DMD: variants seen among roughly 807,000 people sequenced by gnomAD.
DMD encodes mutant dystrophin.
DMD carries 63 observed loss-of-function variants against 330.1 expected under a neutral mutation model. The ratio of observed to expected loss-of-function variants is 0.19; its 90% CI spans 0.16 to 0.24. The LOEUF is 0.24. DMD is among the 10% of genes least tolerant of loss of function. The pLI is 1.00. For missense variants in DMD, 3,344 were observed against 2,684.1 expected (o/e 1.25, Z -5.43); for synonymous variants, 1,223 against 959.8 (o/e 1.27, Z -5.07).
chrX:33,001,526 G>C (rs919886971), intron 2 of DMD, among the ~76,000 whole-genome samples: 11 of 109,505 alleles, frequency 1.0e-4, no homozygotes, highest in African/African-American at 3.7e-4. Context: ...TATTATTCAA[G>C]GACTTTAGAC....
chrX:32,628,823 G>C (rs752115402), intron 11 of DMD, among the ~76,000 whole-genome samples: 2 of 111,399 alleles, frequency 1.8e-5, no homozygotes, highest in Non-Finnish European at 3.8e-5. Context: ...TGTCTCTATA[G>C]TTTCCAAAAT....
chrX:32,515,382 T>C (rs949883241), intron 18 of DMD, among the ~76,000 whole-genome samples: 6 of 109,405 alleles, frequency 5.5e-5, no homozygotes, highest in Non-Finnish European at 1.1e-4. Context: ...CCAGCGGGAG[T>C]TGGTAAAAAG....
chrX:32,883,841 AAAAAAAAAAAG>A (rs1231485263), intron 2 of DMD, among the ~76,000 whole-genome samples: 27 of 101,149 alleles, frequency 2.7e-4, no homozygotes, highest in South Asian at 8.5e-4. Context: ...AAAAAAAAAA[AAAAAAAAAAAG>A]AAAATGACTT....
intron 51 of DMD, among the ~76,000 whole-genome samples, chrX:31,732,587 C>T (rs2086588342): frequency 9.0e-6 from 1 of 111,237 alleles, no homozygotes; most frequent in Admixed American, 9.6e-5. Context: ...AATTCCAGAA[C>T]TTCTCAAATA....
chrX:32,492,068 G>A (rs933355892), intron 19 of DMD, among the ~76,000 whole-genome samples: 2 of 112,164 alleles, frequency 1.8e-5, no homozygotes, highest in South Asian at 3.7e-4. Context: ...GGCTGGGCAC[G>A]GTGGCTCATG....
chrX:32,886,851 C>G (rs2149236358), intron 2 of DMD, among the ~76,000 whole-genome samples: 1 of 111,423 alleles, frequency 9.0e-6, no homozygotes, highest in South Asian at 3.7e-4. Flanking sequence ...TCTATAATAA[C>G]CTAAAATCAC....
chrX:31,269,505 G>A (rs2051448777), intron 62 of DMD, among the ~76,000 whole-genome samples: 1 of 111,449 alleles, frequency 9.0e-6, no homozygotes, highest in Admixed American at 9.5e-5. Flanking sequence ...TGCAAGGATT[G>A]GAATTGGGGA....
intron 51 of DMD, among the ~76,000 whole-genome samples, chrX:31,755,181 A>C (rs943801095): frequency 9.0e-6 from 1 of 111,644 alleles, no homozygotes; most frequent in African/African-American, 3.3e-5. Context: ...AATGAGCAAA[A>C]TGAATATTAG....
intron 43 of DMD, among the ~76,000 whole-genome samples, chrX:32,230,995 C>T (rs1379959070): frequency 1.8e-5 from 2 of 112,016 alleles, no homozygotes; most frequent in Non-Finnish European, 3.8e-5. Context: ...TGATTTTATA[C>T]ATTTCCTCAT....
intron 45 of DMD, among the ~76,000 whole-genome samples, chrX:31,955,133 GC>G (rs1430260087): frequency 2.7e-5 from 3 of 111,113 alleles, no homozygotes; most frequent in African/African-American, 9.8e-5. Flanking sequence ...CTGTGATCAT[GC>G]CACTGCATTC....
chrX:32,233,599 TTTTATTTATTTATTTATTTA>T (rs767364915), intron 43 of DMD, among the ~76,000 whole-genome samples: 76 of 87,936 alleles, frequency 8.6e-4, no homozygotes, highest in African/African-American at 2.8e-3. Context: ...TTTCTTTTTC[TTTTATTTATTTATTTATTTA>T]TTTATTTATT....
intron 44 of DMD, among the ~76,000 whole-genome samples, chrX:32,163,848 C>T (rs1388715411): frequency 9.0e-6 from 1 of 111,399 alleles, no homozygotes; most frequent in Non-Finnish European, 1.9e-5. Flanking sequence ...GTGAAGGGTA[C>T]TCATGATCTT....
At chrX:32,629,875 T>C (rs1265829405) in intron 11 of DMD, among the ~76,000 whole-genome samples, 1 of 111,104 alleles carries the variant, frequency 9.0e-6, no homozygotes, top group Admixed American at 9.6e-5. Flanking sequence ...CTTATTATAG[T>C]GTCTATGTCT....
intron 60 of DMD, among the ~76,000 whole-genome samples, chrX:31,422,014 TATAAACACACACAC>T (rs1162522928): frequency 1.1e-4 from 6 of 52,827 alleles, no homozygotes; most frequent in East Asian, 1.1e-3. Context: ...TATATATATA[TATAAACACACACAC>T]ATATATATAT....
At chrX:32,337,667 A>T (rs1375293439) in intron 41 of DMD, among the ~76,000 whole-genome samples, 1 of 110,581 alleles carries the variant, frequency 9.0e-6, no homozygotes, top group Non-Finnish European at 1.9e-5. Context: ...CATTATCTCG[A>T]ATAAGTCTTG....
chrX:31,874,760 C>A (rs2093943528), intron 48 of DMD, among the ~76,000 whole-genome samples: 1 of 110,742 alleles, frequency 9.0e-6, no homozygotes, highest in African/African-American at 3.3e-5. Flanking sequence ...TTTACAAGAA[C>A]CCTTTATCCT....
intron 30 of DMD, among the ~76,000 whole-genome samples, chrX:32,410,952 G>C (rs955794902): frequency 9.0e-6 from 1 of 111,221 alleles, no homozygotes; most frequent in South Asian, 3.8e-4. Flanking sequence ...GGGAGTGAGT[G>C]CATGTAGCTA....
At chrX:32,348,265 T>C (rs915941234) in intron 38 of DMD, 141 bp downstream of exon 38, 2 of 619,498 alleles carry the variant, frequency 3.2e-6, no homozygotes, top group Non-Finnish European at 5.1e-6. Context: ...AGGCCAAGAA[T>C]ATTCTGCATT....
At chrX:32,527,055 T>A (rs1166646848) in intron 17 of DMD, among the ~76,000 whole-genome samples, 2 of 112,037 alleles carry the variant, frequency 1.8e-5, no homozygotes, top group Non-Finnish European at 3.8e-5. Context: ...CCATTTTACA[T>A]ATTTAAACAT....
Sources: allele counts gnomAD v4.1 joint callset (sites outside exome capture counted in the v4.1 genomes callset), GRCh38; gene constraint gnomAD v4.1.1; transcripts MANE v1.5; gene names NCBI Gene and HGNC (gene_info 2026-07-23, HGNC 2026-07-21).